The following PRKD1 variants were observed in gnomAD, a reference collection of about 807,000 sequenced individuals.
The protein encoded by PRKD1 is serine/threonine-protein kinase D1.
A neutral mutation model predicts 95.9 loss-of-function variants in PRKD1; 63 were observed. The observed-to-expected ratio is 0.66, with a 90% CI of 0.54 to 0.81. The LOEUF (loss-of-function observed/expected upper bound fraction) is 0.81. PRKD1 is among the 30% of genes least tolerant of loss of function. PRKD1 has a pLI of 0.00. For missense variants in PRKD1, 1,048 were observed against 1,165.3 expected, an observed-to-expected ratio of 0.90 and a Z score of 1.47; for synonymous variants, 425 against 423.1, an observed-to-expected ratio of 1.00 and a Z score of -0.05.
intron 1 of PRKD1, among the ~76,000 whole-genome samples, chr14:29,775,182 G>A (rs757587116): frequency 1.1e-4 from 17 of 152,240 alleles, no homozygotes; most frequent in African/African-American, 3.4e-4. Flanking sequence ...CAAGATGGCC[G>A]AATAGGAACA....
intron 12 of PRKD1, among the ~76,000 whole-genome samples, chr14:29,624,492 G>T (rs2139091454): frequency 6.6e-6 from 1 of 152,112 alleles, no homozygotes; most frequent in South Asian, 2.1e-4. Context: ...GGCATTAAAA[G>T]CTATACGTAT....
chr14:29,751,668 G>A (rs189889944), intron 1 of PRKD1, among the ~76,000 whole-genome samples: 7 of 152,282 alleles, frequency 4.6e-5, no homozygotes, highest in Non-Finnish European at 8.8e-5. Context: ...AGGCATCTAC[G>A]ATGGATTGAA....
chr14:29,622,488 C>T (rs1228745818), intron 13 of PRKD1, among the ~76,000 whole-genome samples: 2 of 151,298 alleles, frequency 1.3e-5, no homozygotes, highest in East Asian at 1.9e-4. Flanking sequence ...ACTGCAACCT[C>T]GCCTCCCAGG....
rs375708145 is a variant in PRKD1, at chr14:29,628,838, C to T, written c.1725+203G>A. On this transcript the variant is annotated intron_variant, in intron 11 of 17. Coordinates refer to ENST00000331968, the MANE Select transcript of PRKD1 (RefSeq NM_002742.3). ...CTAGCTGAGAAAAACAGATATTTGGCTCTACATTACAGAATTGATTATAGA... is the reference window on the plus strand; with the variant it reads ...CTAGCTGAGAAAAACAGATATTTGGTTCTACATTACAGAATTGATTATAGA... Among the ~76,000 whole-genome samples, 6 of 151,712 alleles carry T rather than the reference C, an allele frequency of 4.0e-5. No individual in the cohort carries two copies. The South Asian group carries it at 6.3e-4, about 16-fold the overall frequency.
At chr14:29,691,129 T>C (rs1428696169) in intron 2 of PRKD1, among the ~76,000 whole-genome samples, 1 of 152,216 alleles carries the variant, frequency 6.6e-6, no homozygotes, top group Non-Finnish European at 1.5e-5. Flanking sequence ...CAAATTCAAA[T>C]GCAGGGCGAG....
intron 1 of PRKD1, among the ~76,000 whole-genome samples, chr14:29,735,054 G>T (rs1212345105): frequency 6.6e-6 from 1 of 152,160 alleles, no homozygotes; most frequent in South Asian, 2.1e-4. Context: ...TATAAATTTT[G>T]TATTGTTTTC....
intron 1 of PRKD1, among the ~76,000 whole-genome samples, chr14:29,769,739 G>A (rs192617901): frequency 6.6e-6 from 1 of 152,240 alleles, no homozygotes; most frequent in East Asian, 1.9e-4. Context: ...AATATATTGA[G>A]AAACAGTGTA....
Position 29,599,625 on chromosome 14 carries a change from G to C in PRKD1, c.2067+31C>G, listed in dbSNP as rs747710477. 3.2e-6 allele frequency: 5 copies of C among 1,579,486 alleles called. No homozygotes were observed. The Admixed American group carries it at 8.6e-5, about 27-fold the overall frequency. Reference sequence around the variant, plus strand: ...GTGATAACATTTGATATTAAATATTGTATTTTTTCCGTCTCTAATTGATTT... The same window carrying C: ...GTGATAACATTTGATATTAAATATTCTATTTTTTCCGTCTCTAATTGATTT... On this transcript the variant is annotated intron_variant, in intron 14 of 17. Transcript: ENST00000331968.
chr14:29,925,524 A>C (rs892857126), intron 1 of PRKD1, among the ~76,000 whole-genome samples: 1 of 151,942 alleles, frequency 6.6e-6, no homozygotes, highest in African/African-American at 2.4e-5. Context: ...CACTCTCTCC[A>C]TGTAACACGC....
At chr14:29,661,124 A>C (rs967632846) in intron 4 of PRKD1, among the ~76,000 whole-genome samples, 1 of 152,188 alleles carries the variant, frequency 6.6e-6, no homozygotes, top group Non-Finnish European at 1.5e-5. Flanking sequence ...CTGTGCCCAA[A>C]TGGATAAACA....
chr14:29,724,652 C>G (rs1886055967), intron 2 of PRKD1, among the ~76,000 whole-genome samples: 1 of 152,068 alleles, frequency 6.6e-6, no homozygotes, highest in Non-Finnish European at 1.5e-5. Flanking sequence ...GTACTGGGCT[C>G]TGAACAAGTT....
chr14:29,731,731 A>G (rs961913430), intron 1 of PRKD1, among the ~76,000 whole-genome samples: 1 of 152,156 alleles, frequency 6.6e-6, no homozygotes, highest in African/African-American at 2.4e-5. Context: ...ATGAACATAT[A>G]ACCATTTTAA....
At chr14:29,680,688 A>G (rs1253942473) in intron 2 of PRKD1, among the ~76,000 whole-genome samples, 1 of 152,208 alleles carries the variant, frequency 6.6e-6, no homozygotes, top group East Asian at 1.9e-4. Context: ...TTTAAGTGTG[A>G]AAACTCCATC....
chr14:29,717,816 G>A (rs982866634), intron 2 of PRKD1, among the ~76,000 whole-genome samples: 5 of 152,116 alleles, frequency 3.3e-5, no homozygotes, highest in South Asian at 4.2e-4. Flanking sequence ...TTTCACTTCC[G>A]GGTTTGTCTT....
chr14:29,879,957 G>A (rs1049738313), intron 1 of PRKD1, among the ~76,000 whole-genome samples: 30 of 152,128 alleles, frequency 2.0e-4, no homozygotes, highest in Non-Finnish European at 3.8e-4. Context: ...TGACTTAAAC[G>A]TGCTGTTAAA....
At chr14:29,780,026 A>G (rs545798234) in intron 1 of PRKD1, among the ~76,000 whole-genome samples, 1 of 152,356 alleles carries the variant, frequency 6.6e-6, no homozygotes, top group South Asian at 2.1e-4. Flanking sequence ...TGACAAAAAC[A>G]AGAAATGGGG....
At chr14:29,747,645 C>T (rs1887291393) in intron 1 of PRKD1, among the ~76,000 whole-genome samples, 1 of 152,180 alleles carries the variant, frequency 6.6e-6, no homozygotes, top group Admixed American at 6.5e-5. Context: ...CTGATCTACA[C>T]ACTACAATGT....
chr14:29,865,873 C>T (rs747473042), intron 1 of PRKD1, among the ~76,000 whole-genome samples: 2 of 151,860 alleles, frequency 1.3e-5, no homozygotes, highest in Non-Finnish European at 2.9e-5. Context: ...AAACCTTCTG[C>T]TAGTCCTGTA....
At chr14:29,910,286 C>T (rs556835353) in intron 1 of PRKD1, among the ~76,000 whole-genome samples, 35 of 152,088 alleles carry the variant, frequency 2.3e-4, no homozygotes, top group Admixed American at 1.4e-3. Context: ...TGACACTCAC[C>T]GCGAAGGTCT....
Sources: allele counts gnomAD v4.1 joint callset (sites outside exome capture counted in the v4.1 genomes callset), GRCh38; gene constraint gnomAD v4.1.1; transcripts MANE v1.5; gene names NCBI Gene and HGNC (gene_info 2026-07-23, HGNC 2026-07-21).